Variants in GYS2 observed in about 807,000 individuals in gnomAD.
GYS2 encodes glycogen [starch] synthase, liver.
A neutral mutation model predicts 85.6 loss-of-function variants in GYS2; 80 were observed. The observed-to-expected ratio is 0.93, with a 90% CI of 0.78 to 1.13. The LOEUF (loss-of-function observed/expected upper bound fraction) is 1.13, where lower values mean the gene tolerates loss of function less well. GYS2 is among the 50% of genes most tolerant of loss of function. GYS2 has a pLI of 0.00. For synonymous variants in GYS2, 328 were observed against 300.7 expected (o/e 1.09, Z -0.94); for missense variants, 881 against 854.9 (o/e 1.03, Z -0.38).
chr12:21,550,680 G>C (rs1326238796), intron 11 of GYS2, among the ~76,000 whole-genome samples: 7 of 152,146 alleles, frequency 4.6e-5, no homozygotes, highest in African/African-American at 1.2e-4. Context: ...GTGGCTCACT[G>C]CTGTAATCCC....
At chr12:21,575,840 T>C in intron 3 of GYS2, 26 bp downstream of exon 3, 2 of 1,558,394 alleles carry the variant, frequency 1.3e-6, no homozygotes, top group Non-Finnish European at 1.8e-6. Context: ...TGCTCCTCCG[T>C]TGTATCACTA....
At chr12:21,563,126 G>T in intron 6 of GYS2, 88 bp from the exon 7 acceptor site, 4 of 1,162,722 alleles carry the variant, frequency 3.4e-6, no homozygotes, top group South Asian at 2.4e-5. Context: ...GTACAAAGGG[G>T]GCTGGGAAAG....
intron 4 of GYS2, among the ~76,000 whole-genome samples, chr12:21,572,666 T>C (rs562704606): frequency 6.6e-6 from 1 of 152,310 alleles, no homozygotes; most frequent in South Asian, 2.1e-4. Flanking sequence ...ACTAGAGAGA[T>C]GTGTGATTAT....
intron 1 of GYS2, among the ~76,000 whole-genome samples, chr12:21,593,361 TAGCTCTAGCTA>T (rs1013221278): frequency 1.1e-4 from 17 of 149,344 alleles, no homozygotes; most frequent in African/African-American, 4.2e-4. Flanking sequence ...AAAATGGATA[TAGCTCTAGCTA>T]GACTAACCAA....
rs776104371 is a variant in GYS2 at position 21,558,288 on chromosome 12, G to A, written c.1334C>T (p.Thr445Met). ...GGTGGAGTCATCAATCATGTTGTGC[G>A]TGGTCACTGGGGGCAATGACTGTCG... ...TQRQSLPPVTTHNMIDDSTDP... is the reference protein window; with the variant it reads ...TQRQSLPPVTMHNMIDDSTDP... Residue 445 changes from threonine to methionine, a missense_variant, in exon 11 of 16, where the codon ACG becomes ATG. Thr to Met is a moderately conservative substitution (Grantham distance 81, BLOSUM62 -1). Coordinates refer to ENST00000261195, the MANE Select transcript of GYS2 (RefSeq NM_021957.4). The A allele has an allele frequency of 1.2e-5, 19 of 1,612,860 alleles. No homozygotes were observed. The highest frequency in any genetic ancestry group is 1.7e-5 in the Admixed American group (1 of 59,998).
chr12:21,575,813 A>G, intron 3 of GYS2, 53 bp downstream of exon 3: 1 of 1,335,646 alleles, frequency 7.5e-7, no homozygotes, highest in South Asian at 1.2e-5. Flanking sequence ...ATTCTTGGGC[A>G]CTGAAAGCAG....
rs1056204460 is a variant in GYS2, at chr12:21,588,901, A to G, written c.122-8378T>C. Among the ~76,000 whole-genome samples, 3 of 152,270 alleles carry G rather than the reference A, an allele frequency of 2.0e-5. No individual in the cohort carries two copies. The East Asian group carries it at 5.8e-4, about 29-fold the overall frequency. ...CAACTAAAATGAAGAACTTTTCTTT[A>G]AAGTGTGGGAGTCACATCTTAGCAA... On this transcript the variant is annotated intron_variant, in intron 1 of 15. Coordinates refer to ENST00000261195, the MANE Select transcript of GYS2 (RefSeq NM_021957.4).
intron 1 of GYS2, among the ~76,000 whole-genome samples, chr12:21,585,667 C>T (rs574453513): frequency 3.7e-4 from 56 of 152,032 alleles, no homozygotes; most frequent in African/African-American, 1.3e-3. Context: ...GCTACGATCA[C>T]GTGACCAATT....
chr12:21,576,736 AT>A (rs1470075261), intron 2 of GYS2, among the ~76,000 whole-genome samples: 9 of 151,846 alleles, frequency 5.9e-5, no homozygotes, highest in Admixed American at 6.6e-5. Context: ...TAGCTCTCTC[AT>A]TTTTTTCCAG....
In GYS2 at chr12:21,536,976, A is replaced by T. The variant is rs1943917254; in HGVS notation, c.2090T>A (p.Leu697Gln). The change falls in exon 16 of 16, where the codon CTG becomes CAG. Residue 697 changes from leucine (L) to glutamine (Q), a missense_variant. Transcript: ENST00000261195. ...AATTCAGTTCTTATATTCACCATGC[A>T]GCTTTTTCTTCCCATGAGGAACGTG... is the stretch of plus-strand genomic sequence containing the variant. ...LSHVPHGKKK[L>Q]HGEYKN is the part of the protein sequence containing the mutation. 7 of 1,612,968 alleles carry T rather than the reference A, an allele frequency of 4.3e-6. No homozygotes were observed. Among genetic ancestry groups the T allele is most frequent in the African/African-American group, 1.3e-5 (1 of 74,866 alleles).
chr12:21,556,746 T>C (rs1338680448), intron 11 of GYS2, among the ~76,000 whole-genome samples: 1 of 151,930 alleles, frequency 6.6e-6, no homozygotes, highest in East Asian at 1.9e-4. Context: ...CAAGAGGCTA[T>C]TATTCTTGAA....
At chr12:21,570,216 G>T (rs1214650322) in intron 4 of GYS2, among the ~76,000 whole-genome samples, 1 of 152,162 alleles carries the variant, frequency 6.6e-6, no homozygotes, top group East Asian at 1.9e-4. Context: ...TGACATGCTT[G>T]GATCAGCAGA....
rs1431688838 is a variant in GYS2, at chr12:21,540,551, C to A, written c.1668G>T (p.Arg556=). 2 of 1,613,986 alleles carry A rather than the reference C, an allele frequency of 1.2e-6. No individual in the cohort carries two copies. The highest frequency in any genetic ancestry group is 2.2e-5 in the South Asian group (2 of 91,078). Reference sequence around the variant, plus strand: ...TGCAAGAATCATCTGGAGAACGGAACCGCCTGTCAACGATGTAAATACCTG... The same window carrying A: ...TGCAAGAATCATCTGGAGAACGGAAACGCCTGTCAACGATGTAAATACCTG... ...TAYGIYIVDR[R]FRSPDDSCNQ... Residue 556 remains arginine, a synonymous_variant, in exon 14 of 16, where the codon CGG becomes CGT. Transcript: ENST00000261195.
intron 1 of GYS2, among the ~76,000 whole-genome samples, chr12:21,594,414 C>A (rs915174401): frequency 2.6e-5 from 4 of 152,060 alleles, no homozygotes; most frequent in Non-Finnish European, 5.9e-5. Flanking sequence ...TTACAGGAGA[C>A]AAAATCAGCA....
intron 1 of GYS2, among the ~76,000 whole-genome samples, chr12:21,593,144 G>A (rs1944657823): frequency 6.6e-6 from 1 of 151,782 alleles, no homozygotes; most frequent in South Asian, 2.1e-4. Flanking sequence ...TGCTAAGAGA[G>A]AAGCTTATCA....
At chr12:21,572,046 A>G (rs17419676) in intron 4 of GYS2, among the ~76,000 whole-genome samples, 28,629 of 150,992 alleles carry the variant, frequency 0.19, 2,854 homozygotes, top group Middle Eastern at 0.29. Flanking sequence ...TTAGAGGAAA[A>G]AAAAGAATTT....
chr12:21,563,186 A>T, intron 6 of GYS2, 42 bp downstream of exon 6: 1 of 1,267,458 alleles, frequency 7.9e-7, no homozygotes, highest in Non-Finnish European at 1.2e-6. Context: ...AAGATCACTC[A>T]TATCTGATAC....
intron 1 of GYS2, among the ~76,000 whole-genome samples, chr12:21,602,972 G>A (rs1944770509): frequency 6.6e-6 from 1 of 152,070 alleles, no homozygotes; most frequent in Non-Finnish European, 1.5e-5. Context: ...AATAAGCTAT[G>A]TCCTTGAGCT....
intron 1 of GYS2, among the ~76,000 whole-genome samples, chr12:21,597,369 A>C (rs1944708197): frequency 6.6e-6 from 1 of 152,114 alleles, no homozygotes; most frequent in Non-Finnish European, 1.5e-5. Context: ...AAAAACAAAT[A>C]ATCTCATTAA....
Sources: gnomAD v4.1 joint callset for allele counts (sites outside exome capture counted in the v4.1 genomes callset) on GRCh38, gnomAD v4.1.1 for gene constraint, MANE v1.5 for transcripts, NCBI Gene and HGNC (gene_info 2026-07-23, HGNC 2026-07-21) for gene names.